Variants in KNL1 observed in about 807,000 individuals in gnomAD.
KNL1 encodes the protein outer kinetochore KNL1 complex subunit KNL1.
In KNL1, 66 loss-of-function variants were observed where a neutral mutation model predicts 201.3. That is an observed-to-expected ratio of 0.33 (90% CI 0.27 to 0.40). The LOEUF is 0.40. Among genes scored for constraint, KNL1 ranks in the 10% least tolerant of loss-of-function variants. KNL1 has a pLI of 1.00. For synonymous variants in KNL1, 895 were observed against 899.2 expected (o/e 1.00, Z 0.08); for missense variants, 2,815 against 2,690.5 (o/e 1.05, Z -1.02).
At position 40,643,704 on chromosome 15, in the gene KNL1, C is replaced by G. The variant is rs372273462; in HGVS notation, c.5799-1293C>G. Among the ~76,000 whole-genome samples the G allele has an allele frequency of 4.6e-5, 7 of 152,224 alleles. No homozygotes were observed. The East Asian group carries it at 1.2e-3, about 25-fold the overall frequency. On this transcript the variant is annotated intron_variant, in intron 14 of 25. Coordinates refer to ENST00000399668, the MANE Select transcript of KNL1 (RefSeq NM_144508.5). ...CTTTATAGCAGCGATCATTGACAGA[C>G]CTTAGGATTCTTTATAAGCGAAATG... is the stretch of plus-strand genomic sequence containing the variant.
chr15:40,623,653 G>T lies in KNL1; in HGVS notation c.3389G>T (p.Arg1130Met). ...GGGCAGGATGACATGGAGATCACTA[G>T]GAGTCACACAACTGCCTTAGAATGT... ...SCGQDDMEIT[R>M]SHTTALECKT... Residue 1130 changes from arginine (R) to methionine (M), a missense_variant, in exon 10 of 26, where the codon AGG (arginine) becomes ATG (methionine). Transcript: ENST00000399668. The T allele has an allele frequency of 6.2e-7, 1 of 1,613,864 alleles. No individual in the cohort carries two copies. Among genetic ancestry groups the T allele is most frequent in the Non-Finnish European group, 8.5e-7 (1 of 1,179,908 alleles).
intron 13 of KNL1, among the ~76,000 whole-genome samples, chr15:40,633,058 G>A (rs1376177394): frequency 6.6e-6 from 1 of 152,090 alleles, no homozygotes; most frequent in Non-Finnish European, 1.5e-5. Flanking sequence ...GCCAGGCATC[G>A]TGGCTCACAC....
At chr15:40,656,202 G>A (rs1205540820) in intron 22 of KNL1, among the ~76,000 whole-genome samples, 3 of 152,060 alleles carry the variant, frequency 2.0e-5, no homozygotes, top group African/African-American at 4.8e-5. Context: ...AGACCAAGGC[G>A]GGCGGATCAC....
chr15:40,609,040 ATTATG>A, intron 5 of KNL1, 132 bp downstream of exon 5: 2 of 603,830 alleles, frequency 3.3e-6, no homozygotes, highest in Admixed American at 5.7e-5. Context: ...GTTATTCAGT[ATTATG>A]TTTAAAAGAG....
chr15:40,651,404 T>TA, intron 19 of KNL1, 67 bp from the exon 20 acceptor site: 1 of 1,052,076 alleles, frequency 9.5e-7, no homozygotes, highest in Non-Finnish European at 1.4e-6. Flanking sequence ...TCATAAACCT[T>TA]TTATATTGAT....
chr15:40,652,157 T>C, intron 21 of KNL1, 52 bp downstream of exon 21: 2 of 1,161,520 alleles, frequency 1.7e-6, no homozygotes, highest in South Asian at 2.5e-5. Context: ...ATGGCTACAC[T>C]CACTAAAGAT....
In KNL1 at chr15:40,621,319, G is replaced by A. The variant is rs752823097; in HGVS notation, c.1055G>A (p.Gly352Asp). The part of the protein sequence containing the change: ...QTQNAMDVTT[G>D]YGTKASGNKT... ...CAGAATGCCATGGATGTAACAACAGGTTATGGAACTAAAGCTTCAGGAAAT... is the reference window on the plus strand; with the variant it reads ...CAGAATGCCATGGATGTAACAACAGATTATGGAACTAAAGCTTCAGGAAAT... The change falls in exon 10 of 26, where the codon GGT becomes GAT. Residue 352 changes from glycine (G) to aspartate (D), a missense_variant. Transcript: ENST00000399668. The A allele has an allele frequency of 1.1e-5, 17 of 1,613,550 alleles. No individual in the cohort carries two copies. Among genetic ancestry groups the A allele is most frequent in the Admixed American group, 1.7e-5 (1 of 59,910 alleles).
chr15:40,619,336 CTG>C (rs1202026650), intron 9 of KNL1, among the ~76,000 whole-genome samples: 5 of 144,354 alleles, frequency 3.5e-5, no homozygotes, highest in Non-Finnish European at 6.1e-5. Context: ...ACTGAGAAAA[CTG>C]TTGTAGCACA....
intron 13 of KNL1, among the ~76,000 whole-genome samples, chr15:40,639,860 A>G (rs1435152950): frequency 6.6e-6 from 1 of 151,876 alleles, no homozygotes; most frequent in Non-Finnish European, 1.5e-5. Flanking sequence ...GAATCACTTG[A>G]GGCCAGGAAT....
In KNL1 at chr15:40,625,448, TATTAAC is replaced by T. The variant is rs778647531; in HGVS notation, c.5187_5192del (p.Asn1730_Ile1731del). ...CTGATGAGATCAATTCTTCAGACTCTATTAACATAGAAACTGAGGAAAAGGCCTTGA... is the reference window on the plus strand; with the variant it reads ...CTGATGAGATCAATTCTTCAGACTCTATAGAAACTGAGGAAAAGGCCTTGA... On this transcript the variant is annotated inframe_deletion, in exon 10 of 26. Coordinates refer to ENST00000399668, the MANE Select transcript of KNL1 (RefSeq NM_144508.5). The T allele has an allele frequency of 1.3e-5, 21 of 1,613,962 alleles. No homozygotes were observed. Among genetic ancestry groups the T allele is most frequent in the Non-Finnish European group, 1.6e-5 (19 of 1,179,948 alleles).
At chr15:40,615,532 G>T (rs969574146) in intron 8 of KNL1, 154 bp downstream of exon 8, 71 of 255,240 alleles carry the variant, frequency 2.8e-4, no homozygotes, top group African/African-American at 1.6e-3. Flanking sequence ...ATTTTGGCAG[G>T]CTGAGGCAGG....
chr15:40,635,066 T>G (rs77964592), intron 13 of KNL1, among the ~76,000 whole-genome samples: 1 of 142,756 alleles, frequency 7.0e-6, no homozygotes, highest in Non-Finnish European at 1.5e-5. Context: ...TTTTTTTTTT[T>G]GAGATGGAGT....
At chr15:40,657,196 T>A (rs1232197521) in intron 23 of KNL1, 45 bp downstream of exon 23, 1 of 1,287,524 alleles carries the variant, frequency 7.8e-7, no homozygotes, top group East Asian at 2.3e-5. Flanking sequence ...GTGATATCTT[T>A]CCAAAAAAAG....
chr15:40,655,270 C>T lies in KNL1; in HGVS notation c.6484+293C>T, dbSNP rs1893690040. 2.7e-5 allele frequency among the ~76,000 whole-genome samples: 4 copies of T among 149,950 alleles called. No individual in the cohort carries two copies. The South Asian group carries it at 8.4e-4, about 32-fold the overall frequency. On this transcript the variant is annotated intron_variant, in intron 22 of 25. Transcript: ENST00000399668. The stretch of plus-strand genomic sequence containing the variant: ...CCAAGATTATGCCACTGCAGTCCAG[C>T]CTGGCAACAGAGTGAGACCTTGTCT...
In KNL1 at chr15:40,631,030, A is replaced by C. The variant is rs561804429; in HGVS notation, c.5682+1659A>C. Among the ~76,000 whole-genome samples, 29 of 152,236 alleles carry C rather than the reference A, an allele frequency of 1.9e-4. 1 individual carries two copies. Among genetic ancestry groups the C allele is most frequent in the African/African-American group, 7.0e-4 (29 of 41,546 alleles). ...CTACTCAGGAGGCTGAGGTGGGAGG[A>C]TGGCTTGAGCCCAGGAAGTGAAGGT... On this transcript the variant is annotated intron_variant, in intron 13 of 25. Transcript: ENST00000399668.
chr15:40,654,871 A>C, intron 21 of KNL1, 38 bp from the exon 22 acceptor site: 3 of 1,543,890 alleles, frequency 1.9e-6, no homozygotes, highest in Non-Finnish European at 2.7e-6. Context: ...TCTCTGTCTA[A>C]AAAAATTTTT....
intron 16 of KNL1, 122 bp downstream of exon 16, chr15:40,645,894 A>G: frequency 6.0e-6 from 3 of 500,800 alleles, no homozygotes; most frequent in Non-Finnish European, 6.8e-6. Flanking sequence ...AAAACTTAAC[A>G]ATTAAGAGGT....
rs748425692 is a variant in KNL1 at position 40,625,345 on chromosome 15, C to G, written c.5081C>G (p.Ser1694Ter). Residue 1694 changes from serine (S) to a stop codon, truncating the protein, a stop_gained, in exon 10 of 26, where the codon TCA (serine) becomes TGA (stop). Coordinates refer to ENST00000399668, the MANE Select transcript of KNL1 (RefSeq NM_144508.5). LOFTEE classifies it high-confidence loss of function. ...ACTCAGCCGGTCTCTAGCAAAGATT[C>G]AGGCATTGGATCTGTTGCAGGTAAA... ...LETQPVSSKDSGIGSVAGKLN... is the reference protein window; with the variant it reads ...LETQPVSSKD The G allele has an allele frequency of 6.2e-7, 1 of 1,614,110 alleles. No individual in the cohort carries two copies. The highest frequency in any genetic ancestry group is 8.5e-7 in the Non-Finnish European group (1 of 1,179,988).
chr15:40,652,137 A>T, intron 21 of KNL1, 32 bp downstream of exon 21: 1 of 1,397,108 alleles, frequency 7.2e-7, no homozygotes, highest in Non-Finnish European at 1.0e-6. Flanking sequence ...ATTCTTTTAC[A>T]GAAAAATGAA....
Sources: gnomAD v4.1 joint callset for allele counts (sites outside exome capture counted in the v4.1 genomes callset) on GRCh38, gnomAD v4.1.1 for gene constraint, MANE v1.5 for transcripts, NCBI Gene and HGNC (gene_info 2026-07-23, HGNC 2026-07-21) for gene names.